CENPU: variants seen among roughly 807,000 people sequenced by gnomAD.
CENPU encodes KSHV latent nuclear antigen interacting protein 1.
In CENPU, 46 loss-of-function variants were observed where a neutral mutation model predicts 56.7. That is an observed-to-expected ratio of 0.81 (90% CI 0.64 to 1.04). The LOEUF (loss-of-function observed/expected upper bound fraction) is 1.04, where lower values mean the gene tolerates loss of function less well. Ranked by LOEUF, CENPU falls within the 50% of genes least tolerant of loss-of-function variation. CENPU has a pLI of 0.00. For missense variants in CENPU, 510 were observed against 490.1 expected, an observed-to-expected ratio of 1.04 and a Z score of -0.38; for synonymous variants, 166 against 163.0, an observed-to-expected ratio of 1.02 and a Z score of -0.14.
intron 4 of CENPU, among the ~76,000 whole-genome samples, chr4:184,720,255 A>G (rs1196768830): frequency 1.3e-5 from 2 of 152,172 alleles, no homozygotes; most frequent in Non-Finnish European, 2.9e-5. Context: ...AGAATACATC[A>G]GAGTCTCTTA....
chr4:184,713,431 T>C (rs1229803980), intron 6 of CENPU, among the ~76,000 whole-genome samples: 1 of 152,182 alleles, frequency 6.6e-6, no homozygotes, highest in Non-Finnish European at 1.5e-5. Context: ...TCTCATTTAG[T>C]TCTAAAACAG....
In CENPU at chr4:184,734,050, C is replaced by A; in HGVS notation, c.13G>T (p.Gly5Trp). 2 of 1,569,226 alleles carry A rather than the reference C, an allele frequency of 1.3e-6. No homozygotes were observed. The highest frequency in any genetic ancestry group is 1.7e-6 in the Non-Finnish European group (2 of 1,159,096). The change falls in exon 1 of 13, where the codon GGG (glycine) becomes TGG (tryptophan). Residue 5 changes from glycine to tryptophan, a missense_variant. Coordinates refer to ENST00000281453, the MANE Select transcript of CENPU (RefSeq NM_024629.4). ...CTGTGAGGCCGCGGCCGCCGCCGCC[C>A]CCGCGGGGCCATGGTGCCGCTCTCC... MAPR[G>W]RRRPRPHRSE...
chr4:184,723,600 T>C (rs1021815971), intron 4 of CENPU, among the ~76,000 whole-genome samples: 6 of 151,988 alleles, frequency 3.9e-5, no homozygotes, highest in African/African-American at 7.3e-5. Context: ...TCCTAGCACT[T>C]TGGGAGGCCA....
chr4:184,725,146 C>A, intron 3 of CENPU, 84 bp from the exon 4 acceptor site: 1 of 721,992 alleles, frequency 1.4e-6, no homozygotes, highest in Non-Finnish European at 2.2e-6. Flanking sequence ...CAATGGAGTA[C>A]AAAACAATCT....
chr4:184,694,259 G>A lies in CENPU; in HGVS notation c.*1029C>T, dbSNP rs903354500. ...TTAAATCCACCCTTGCTCTTCCGTC[G>A]GGGAGTATTGAAAAGTATGTGCACA... On this transcript the variant is annotated 3_prime_UTR_variant, in exon 13 of 13. Coordinates refer to ENST00000281453, the MANE Select transcript of CENPU (RefSeq NM_024629.4). The A allele has an allele frequency of 1.5e-5, 18 of 1,170,116 alleles. No homozygotes were observed. Among genetic ancestry groups the A allele is most frequent in the African/African-American group, 1.1e-4 (7 of 64,090 alleles). 72.5% of individuals were successfully genotyped at this position (1,170,116 alleles called of 1,614,324 possible).
At chr4:184,721,888 A>T (rs1039680239) in intron 4 of CENPU, among the ~76,000 whole-genome samples, 1 of 152,238 alleles carries the variant, frequency 6.6e-6, no homozygotes, top group African/African-American at 2.4e-5. Context: ...TGCACTGTAG[A>T]CCAAATGGAC....
chr4:184,712,613 A>C (rs1263961798), intron 7 of CENPU, among the ~76,000 whole-genome samples: 1 of 152,252 alleles, frequency 6.6e-6, no homozygotes, highest in African/African-American at 2.4e-5. Context: ...TCATGTCTAC[A>C]TTATTTTAAA....
At chr4:184,726,327 AG>A (rs1761449620) in intron 3 of CENPU, among the ~76,000 whole-genome samples, 1 of 152,180 alleles carries the variant, frequency 6.6e-6, no homozygotes, top group Non-Finnish European at 1.5e-5. Context: ...ACTTCTTCAA[AG>A]AATATACAAA....
In CENPU at chr4:184,697,388, C is replaced by T. The variant is rs563838819; in HGVS notation, c.1143+259G>A. Among the ~76,000 whole-genome samples, 40 of 148,262 alleles carry T rather than the reference C, an allele frequency of 2.7e-4. 1 individual carries two copies. The highest frequency in any genetic ancestry group is 8.5e-4 in the South Asian group (4 of 4,706). ...ATTTATACACAGAATAAAAACTTCC[C>T]TTGATGAAATTCAGCTGTCCGAGTG... is the stretch of plus-strand genomic sequence containing the variant. On this transcript the variant is annotated intron_variant, in intron 12 of 12. Transcript: ENST00000281453.
chr4:184,709,569 G>GT, intron 8 of CENPU, among the ~76,000 whole-genome samples: 1 of 152,032 alleles, frequency 6.6e-6, no homozygotes, highest in African/African-American at 2.4e-5. Flanking sequence ...TTAAGACAAA[G>GT]TATGTTTAGG....
At chr4:184,707,948 C>T (rs185979059) in intron 8 of CENPU, among the ~76,000 whole-genome samples, 210 of 152,148 alleles carry the variant, frequency 1.4e-3, no homozygotes, top group African/African-American at 4.1e-3. Flanking sequence ...AATAGCTGGG[C>T]GCGGTGGCTC....
intron 8 of CENPU, among the ~76,000 whole-genome samples, chr4:184,704,865 C>T (rs902392768): frequency 7.9e-5 from 12 of 152,174 alleles, no homozygotes; most frequent in Non-Finnish European, 1.6e-4. Context: ...ACAAGTTGCA[C>T]ACAGTTAACA....
intron 8 of CENPU, among the ~76,000 whole-genome samples, chr4:184,707,631 A>T (rs369667673): frequency 6.6e-6 from 1 of 152,092 alleles, no homozygotes; most frequent in South Asian, 2.1e-4. Flanking sequence ...GAGGCTGCCC[A>T]TCCTAGGGCT....
At chr4:184,719,903 A>T (rs937957549) in intron 4 of CENPU, among the ~76,000 whole-genome samples, 1 of 152,186 alleles carries the variant, frequency 6.6e-6, no homozygotes, top group Admixed American at 6.5e-5. Flanking sequence ...CTTCCCACAA[A>T]TGATGGATCC....
At chr4:184,699,587 A>G in intron 11 of CENPU, 2 of 1,289,032 alleles carry the variant, frequency 1.6e-6, no homozygotes, top group Non-Finnish European at 2.0e-6. Context: ...ACCATAGGCC[A>G]GCACCTGTCC....
intron 8 of CENPU, among the ~76,000 whole-genome samples, chr4:184,708,270 G>GT (rs1483500268): frequency 6.9e-6 from 1 of 144,140 alleles, no homozygotes; most frequent in African/African-American, 2.5e-5. Context: ...TAAAAGCTAA[G>GT]TTAAATAAAG....
At chr4:184,696,883 CT>C (rs11356233) in intron 12 of CENPU, among the ~76,000 whole-genome samples, 24,276 of 142,804 alleles carry the variant, frequency 0.17, 2,027 homozygotes, top group African/African-American at 0.23. Context: ...TGTTCCTTAA[CT>C]TTTTTTTTTT....
intron 3 of CENPU, among the ~76,000 whole-genome samples, chr4:184,726,566 T>C (rs1761457954): frequency 6.6e-6 from 1 of 152,178 alleles, no homozygotes. Flanking sequence ...ACAGGCACTG[T>C]GGAAATGGTG....
chr4:184,694,469 C>T lies in CENPU; in HGVS notation c.*819G>A, dbSNP rs1306058944. The T allele has an allele frequency of 1.3e-6, 2 of 1,575,166 alleles. No individual in the cohort carries two copies. The highest frequency in any genetic ancestry group is 1.8e-5 in the Admixed American group (1 of 55,982). On this transcript the variant is annotated 3_prime_UTR_variant, in exon 13 of 13. Coordinates refer to ENST00000281453, the MANE Select transcript of CENPU (RefSeq NM_024629.4). ...AGAGTATAAGGTTAAATCACATATCCTGAGTAAATATTTTCCTATCCCACT... is the reference window on the plus strand; with the variant it reads ...AGAGTATAAGGTTAAATCACATATCTTGAGTAAATATTTTCCTATCCCACT...
Sources: allele counts gnomAD v4.1 joint callset (sites outside exome capture counted in the v4.1 genomes callset), GRCh38; gene constraint gnomAD v4.1.1; transcripts MANE v1.5; gene names NCBI Gene and HGNC (gene_info 2026-07-23, HGNC 2026-07-21).